GRIN2A: variants seen among roughly 807,000 people sequenced by gnomAD.
GRIN2A encodes the protein glutamate receptor ionotropic, NMDA 2A.
A neutral mutation model predicts 113.4 loss-of-function variants in GRIN2A; 22 were observed. The ratio of observed to expected loss-of-function variants is 0.19; its 90% confidence interval spans 0.14 to 0.28. The LOEUF (loss-of-function observed/expected upper bound fraction) is 0.28. Ranked by LOEUF, GRIN2A falls within the 10% of genes least tolerant of loss-of-function variation. The pLI is 1.00. For missense variants in GRIN2A, 1,502 were observed against 1,887.0 expected, an observed-to-expected ratio of 0.80 and a Z score of 3.78; for synonymous variants, 827 against 738.4, an observed-to-expected ratio of 1.12 and a Z score of -1.94.
chr16:10,074,673 A>G (rs188342548), intron 2 of GRIN2A, among the ~76,000 whole-genome samples: 1 of 152,344 alleles, frequency 6.6e-6, no homozygotes, highest in Non-Finnish European at 1.5e-5. Context: ...TGAAATTTCC[A>G]GAATAGGCAA....
chr16:10,026,734 C>T (rs1192282228), intron 2 of GRIN2A, among the ~76,000 whole-genome samples: 1 of 152,148 alleles, frequency 6.6e-6, no homozygotes, highest in East Asian at 1.9e-4. Flanking sequence ...CTAGTAGCTC[C>T]ACTCAGTGAG....
In GRIN2A at chr16:9,756,687, C is replaced by T. The variant is rs1367081582; in HGVS notation, c.*6462G>A. ...TTTGAGGATCACATTCTAGGATATG[C>T]CTAGAATATCGCCTACACTCAATTT... On this transcript the variant is annotated 3_prime_UTR_variant, in exon 13 of 13. Coordinates refer to ENST00000330684, the MANE Select transcript of GRIN2A (RefSeq NM_001134407.3). 5.3e-6 allele frequency: 1 copy of T among 188,390 alleles called. No individual in the cohort carries two copies. The highest frequency in any genetic ancestry group is 6.2e-5 in the Admixed American group (1 of 16,206). The allele number at this position is 188,390 out of a possible 1,614,324, so 11.7% of individuals were successfully genotyped here.
intron 2 of GRIN2A, among the ~76,000 whole-genome samples, chr16:10,089,780 G>A (rs1222612147): frequency 6.6e-6 from 1 of 152,110 alleles, no homozygotes; most frequent in East Asian, 1.9e-4. Flanking sequence ...TCTTGATAAG[G>A]TTCCATCATC....
intron 4 of GRIN2A, among the ~76,000 whole-genome samples, chr16:9,883,081 C>T (rs1014590818): frequency 6.6e-6 from 1 of 152,124 alleles, no homozygotes. Context: ...TGGTCACTAA[C>T]CAGAGAGAAA....
At chr16:9,807,405 GGAGA>G (rs1431244874) in intron 10 of GRIN2A, among the ~76,000 whole-genome samples, 2 of 118,172 alleles carry the variant, frequency 1.7e-5, no homozygotes, top group Admixed American at 8.4e-5. Flanking sequence ...AGGGAGGGAG[GGAGA>G]GAAAGGAGAG....
chr16:10,133,054 A>G (rs2049099704), intron 2 of GRIN2A, among the ~76,000 whole-genome samples: 2 of 152,188 alleles, frequency 1.3e-5, no homozygotes, highest in Admixed American at 6.5e-5. Flanking sequence ...CCCGCCTCTT[A>G]TAAGTACAGT....
At chr16:9,769,760 C>T (rs1901150318) in intron 11 of GRIN2A, among the ~76,000 whole-genome samples, 1 of 152,120 alleles carries the variant, frequency 6.6e-6, no homozygotes, top group South Asian at 2.1e-4. Context: ...TTTTCATAAG[C>T]AGTATGTTTG....
At chr16:9,992,578 C>T (rs1456886666) in intron 2 of GRIN2A, among the ~76,000 whole-genome samples, 1 of 152,212 alleles carries the variant, frequency 6.6e-6, no homozygotes, top group South Asian at 2.1e-4. Flanking sequence ...AGGCAAGGAA[C>T]AGGACCAACT....
At position 10,080,564 on chromosome 16, in the gene GRIN2A, T is replaced by C. The variant is rs947100570; in HGVS notation, c.414+99434A>G. 2.0e-5 allele frequency among the ~76,000 whole-genome samples: 3 copies of C among 152,170 alleles called. No homozygotes were observed. In the South Asian group the frequency reaches 6.2e-4, roughly 32 times the overall value. The stretch of plus-strand genomic sequence containing the variant: ...ATTCTTGGAAGCCGAGCAACACGCC[T>C]GCCACAGGGAAATGAGTCATGCAGA... On this transcript the variant is annotated intron_variant, in intron 2 of 12. Coordinates refer to ENST00000330684, the MANE Select transcript of GRIN2A (RefSeq NM_001134407.3).
intron 2 of GRIN2A, among the ~76,000 whole-genome samples, chr16:10,086,403 G>C (rs1567288166): frequency 6.6e-6 from 1 of 152,030 alleles, no homozygotes; most frequent in Non-Finnish European, 1.5e-5. Flanking sequence ...CTTCCCCTGA[G>C]GAGAGATTGT....
chr16:9,846,442 T>C (rs1454334414), intron 5 of GRIN2A, among the ~76,000 whole-genome samples: 1 of 152,174 alleles, frequency 6.6e-6, no homozygotes, highest in African/African-American at 2.4e-5. Flanking sequence ...CAATCACATA[T>C]TATATCTTTA....
intron 2 of GRIN2A, among the ~76,000 whole-genome samples, chr16:10,086,366 G>T (rs6497676): frequency 2.4e-4 from 36 of 151,846 alleles, no homozygotes; most frequent in African/African-American, 8.2e-4. Flanking sequence ...AAAAATAATT[G>T]TTCCTTGGGC....
chr16:9,975,776 G>A (rs1378572487), intron 2 of GRIN2A, among the ~76,000 whole-genome samples: 1 of 152,216 alleles, frequency 6.6e-6, no homozygotes, highest in East Asian at 1.9e-4. Context: ...TACAAGAGAT[G>A]TACTTTCAAT....
At chr16:9,996,545 T>C (rs1469240283) in intron 2 of GRIN2A, among the ~76,000 whole-genome samples, 1 of 152,210 alleles carries the variant, frequency 6.6e-6, no homozygotes, top group Non-Finnish European at 1.5e-5. Flanking sequence ...TCCTCCCAAG[T>C]GACCTGTCCC....
chr16:10,113,103 C>A (rs1409872368), intron 2 of GRIN2A, among the ~76,000 whole-genome samples: 2 of 85,808 alleles, frequency 2.3e-5, no homozygotes, highest in Non-Finnish European at 5.3e-5. Flanking sequence ...CCTGGGGGCG[C>A]CCCCCAGCCC....
At chr16:9,871,746 G>T (rs1452823846) in intron 4 of GRIN2A, among the ~76,000 whole-genome samples, 1 of 152,138 alleles carries the variant, frequency 6.6e-6, no homozygotes, top group African/African-American at 2.4e-5. Flanking sequence ...GTTGGCTCAG[G>T]ACCTGTGATG....
At chr16:10,178,035 A>G (rs1274697179) in intron 2 of GRIN2A, among the ~76,000 whole-genome samples, 2 of 152,202 alleles carry the variant, frequency 1.3e-5, no homozygotes, top group Non-Finnish European at 2.9e-5. Context: ...GGTTGTGCCA[A>G]ACCCTCATGG....
intron 2 of GRIN2A, among the ~76,000 whole-genome samples, chr16:10,116,557 G>C (rs1166408425): frequency 2.0e-5 from 3 of 152,230 alleles, no homozygotes; most frequent in African/African-American, 4.8e-5. Context: ...TTTTACTTTA[G>C]AGCAGATGCT....
intron 3 of GRIN2A, among the ~76,000 whole-genome samples, chr16:9,893,737 G>A (rs893017316): frequency 5.9e-5 from 9 of 152,182 alleles, no homozygotes; most frequent in African/African-American, 2.2e-4. Flanking sequence ...AAAGTGCTGG[G>A]ATTACAGGCA....
Sources: gnomAD v4.1 joint callset for allele counts (sites outside exome capture counted in the v4.1 genomes callset) on GRCh38, gnomAD v4.1.1 for gene constraint, MANE v1.5 for transcripts, NCBI Gene and HGNC (gene_info 2026-07-23, HGNC 2026-07-21) for gene names.